Variants in AKT3 observed in about 807,000 individuals in gnomAD.
The protein encoded by AKT3 is RAC-gamma serine/threonine-protein kinase.
A neutral mutation model predicts 65.3 loss-of-function variants in AKT3; 15 were observed. That is an observed-to-expected ratio of 0.23 (90% confidence interval 0.15 to 0.35). AKT3 has a LOEUF of 0.35. Among genes scored for constraint, AKT3 ranks in the 10% least tolerant of loss-of-function variants. AKT3 has a pLI of 1.00. For missense variants in AKT3, 243 were observed against 576.5 expected (o/e 0.42, Z 5.92); for synonymous variants, 206 against 183.8 (o/e 1.12, Z -0.98).
chr1:243,658,864 CAAAAAA>C (rs58117921), intron 4 of AKT3, among the ~76,000 whole-genome samples: 1 of 82,880 alleles, frequency 1.2e-5, no homozygotes, highest in African/African-American at 4.7e-5. Context: ...CTTGTCTCTA[CAAAAAA>C]AAAAAAAAAA....
At chr1:243,547,589 T>C (rs1672762533) in intron 11 of AKT3, among the ~76,000 whole-genome samples, 1 of 152,198 alleles carries the variant, frequency 6.6e-6, no homozygotes, top group Non-Finnish European at 1.5e-5. Flanking sequence ...CTGGATGCAA[T>C]TCCATCATTA....
intron 1 of AKT3, among the ~76,000 whole-genome samples, chr1:243,845,566 G>A (rs1695479484): frequency 9.1e-6 from 1 of 110,118 alleles, no homozygotes; most frequent in Non-Finnish European, 1.8e-5. Context: ...CCGTGCCTGG[G>A]TGCTACAGTG....
chr1:243,805,144 A>G (rs930130193), intron 2 of AKT3, among the ~76,000 whole-genome samples: 1 of 152,058 alleles, frequency 6.6e-6, no homozygotes, highest in Non-Finnish European at 1.5e-5. Flanking sequence ...GCCTTCTCCA[A>G]ATTCACAGAG....
chr1:243,725,433 G>T lies in AKT3; in HGVS notation c.47-29717C>A, dbSNP rs1194644994. ...CACTGTGCTATCTGCAAAGATGCAGGAAAAAAAATTATAACACCACTCTCC... is the reference window on the plus strand; with the variant it reads ...CACTGTGCTATCTGCAAAGATGCAGTAAAAAAAATTATAACACCACTCTCC... On this transcript the variant is annotated intron_variant, in intron 2 of 13. Coordinates refer to ENST00000673466, the MANE Select transcript of AKT3 (RefSeq NM_005465.7). Among the ~76,000 whole-genome samples the T allele has an allele frequency of 2.6e-5, 4 of 151,866 alleles. No individual in the cohort carries two copies. In the East Asian group the frequency reaches 7.7e-4, roughly 29 times the overall value.
chr1:243,757,687 A>G (rs921472464), intron 2 of AKT3, among the ~76,000 whole-genome samples: 2 of 152,242 alleles, frequency 1.3e-5, no homozygotes, highest in African/African-American at 4.8e-5. Flanking sequence ...ATTATTTCAA[A>G]ATAAAAATAA....
chr1:243,788,054 A>G (rs549634303), intron 2 of AKT3, among the ~76,000 whole-genome samples: 1 of 152,200 alleles, frequency 6.6e-6, no homozygotes, highest in Non-Finnish European at 1.5e-5. Flanking sequence ...ATTCTAAAAA[A>G]AAACTTTCAA....
chr1:243,849,580 C>T (rs1572452368), intron 1 of AKT3, among the ~76,000 whole-genome samples: 1 of 151,968 alleles, frequency 6.6e-6, no homozygotes, highest in Non-Finnish European at 1.5e-5. Flanking sequence ...ACCGGCGCTC[C>T]ACGCGTTATA....
chr1:243,537,352 C>G lies in AKT3; in HGVS notation c.1251+8158G>C, dbSNP rs187216348. On this transcript the variant is annotated intron_variant, in intron 12 of 13. Transcript: ENST00000673466. ...AGACATATTTATTTCCATTTTAACTCCCAGAAGTGCTATATTTCTAGCCAT... is the reference window on the plus strand; with the variant it reads ...AGACATATTTATTTCCATTTTAACTGCCAGAAGTGCTATATTTCTAGCCAT... Among the ~76,000 whole-genome samples the G allele has an allele frequency of 8.8e-4, 134 of 152,178 alleles. 1 individual carries two copies. The highest frequency in any genetic ancestry group is 3.1e-3 in the African/African-American group (127 of 41,506).
chr1:243,593,270 TAACAA>T (rs1479752784), intron 8 of AKT3, among the ~76,000 whole-genome samples: 1 of 152,190 alleles, frequency 6.6e-6, no homozygotes, highest in East Asian at 1.9e-4. Flanking sequence ...TGTAAAAACT[TAACAA>T]AACTTCTCTA....
intron 2 of AKT3, among the ~76,000 whole-genome samples, chr1:243,798,910 T>G (rs1378958393): frequency 1.3e-5 from 2 of 152,192 alleles, no homozygotes; most frequent in Non-Finnish European, 2.9e-5. Flanking sequence ...TGTTTTAATC[T>G]TGCTCCTCCT....
intron 12 of AKT3, among the ~76,000 whole-genome samples, chr1:243,513,450 A>G (rs1362885634): frequency 6.6e-6 from 1 of 152,204 alleles, no homozygotes; most frequent in Non-Finnish European, 1.5e-5. Flanking sequence ...TTTTACAAAA[A>G]CAAATACACA....
intron 2 of AKT3, among the ~76,000 whole-genome samples, chr1:243,712,375 C>A (rs1686218801): frequency 6.6e-6 from 1 of 152,138 alleles, no homozygotes; most frequent in East Asian, 1.9e-4. Flanking sequence ...AGATAACCTT[C>A]CTTTAATTCT....
chr1:243,698,401 T>C (rs1310975962), intron 2 of AKT3, among the ~76,000 whole-genome samples: 1 of 152,064 alleles, frequency 6.6e-6, no homozygotes, highest in Non-Finnish European at 1.5e-5. Context: ...AATACACTTA[T>C]TCAAGAAATG....
At chr1:243,606,711 A>G (rs1055493320) in intron 8 of AKT3, among the ~76,000 whole-genome samples, 4 of 152,246 alleles carry the variant, frequency 2.6e-5, no homozygotes, top group African/African-American at 9.6e-5. Flanking sequence ...AAGACAAAGG[A>G]GAAAATGTCT....
intron 2 of AKT3, among the ~76,000 whole-genome samples, chr1:243,838,723 C>T (rs982732802): frequency 3.9e-5 from 6 of 152,132 alleles, no homozygotes; most frequent in Admixed American, 3.3e-4. Context: ...AATCTTTATC[C>T]TGGCATTACC....
chr1:243,540,726 C>A, intron 12 of AKT3, among the ~76,000 whole-genome samples: 1 of 152,272 alleles, frequency 6.6e-6, no homozygotes, highest in Admixed American at 6.5e-5. Context: ...GATCCCACAT[C>A]GCAGTTAAGT....
At chr1:243,800,482 G>A (rs1692312428) in intron 2 of AKT3, among the ~76,000 whole-genome samples, 1 of 152,194 alleles carries the variant, frequency 6.6e-6, no homozygotes, top group Non-Finnish European at 1.5e-5. Flanking sequence ...CACTTTGGTA[G>A]GCCAAGGTGG....
chr1:243,682,419 G>A (rs1021036203), intron 3 of AKT3, among the ~76,000 whole-genome samples: 2 of 152,044 alleles, frequency 1.3e-5, no homozygotes, highest in African/African-American at 4.8e-5. Context: ...TTTTAAAATG[G>A]AGTATTTATT....
At chr1:243,489,269 C>T (rs1471482640) in intron 13 of AKT3, 2 of 1,272,692 alleles carry the variant, frequency 1.6e-6, no homozygotes, top group East Asian at 2.5e-5. Flanking sequence ...AGGGAGGTCC[C>T]GAAGACTGTG....
Sources: gnomAD v4.1 joint callset for allele counts (sites outside exome capture counted in the v4.1 genomes callset) on GRCh38, gnomAD v4.1.1 for gene constraint, MANE v1.5 for transcripts, NCBI Gene and HGNC (gene_info 2026-07-23, HGNC 2026-07-21) for gene names.